MGST3: variants seen among roughly 807,000 people sequenced by gnomAD.
The protein encoded by MGST3 is glutathione S-transferase 3, mitochondrial.
In MGST3, 13 loss-of-function variants were observed where a neutral mutation model predicts 15.8. The ratio of observed to expected loss-of-function variants is 0.82; its 90% CI spans 0.54 to 1.31. The LOEUF is 1.31. Ranked by LOEUF, MGST3 falls within the 50% of genes most tolerant of loss-of-function variation. The pLI is 0.00. For missense variants in MGST3, 155 were observed against 192.4 expected, an observed-to-expected ratio of 0.81 and a Z score of 1.15; for synonymous variants, 49 against 68.1, an observed-to-expected ratio of 0.72 and a Z score of 1.38.
intron 5 of MGST3, 66 bp from the exon 6 acceptor site, chr1:165,655,302 G>T (rs912105903): frequency 1.5e-3 from 2,378 of 1,559,514 alleles, no homozygotes; most frequent in Admixed American, 9.0e-3. Flanking sequence ...AGAATGGCTT[G>T]CGAATGTTGA....
intron 1 of MGST3, chr1:165,632,040 C>A: frequency 1.8e-6 from 1 of 557,818 alleles, no homozygotes; most frequent in Non-Finnish European, 3.3e-6. Context: ...CGGTGGAAGG[C>A]GCTGGAGACT....
At position 165,639,892 on chromosome 1, in the gene MGST3, G is replaced by A. The variant is rs9333412; in HGVS notation, c.-8+8599G>A. On this transcript the variant is annotated intron_variant, in intron 1 of 5. Coordinates refer to ENST00000367889, the MANE Select transcript of MGST3 (RefSeq NM_004528.4). ...TAGTAGTGATATTTTCAGTTTTGCT[G>A]TTTCTGCCAGATGGGATGAAAAATT... Among the ~76,000 whole-genome samples, 597 of 152,320 alleles carry A rather than the reference G, an allele frequency of 3.9e-3. 4 individuals carry two copies. Among genetic ancestry groups the A allele is most frequent in the Non-Finnish European group, 7.0e-3 (478 of 68,026 alleles).
At chr1:165,654,228 A>G in intron 4 of MGST3, 51 bp from the exon 5 acceptor site, 1 of 1,565,584 alleles carries the variant, frequency 6.4e-7, no homozygotes, top group Non-Finnish European at 8.8e-7. Flanking sequence ...GTGTTAAAAA[A>G]GGTTTGCTTG....
chr1:165,655,531 A>T lies in MGST3; in HGVS notation c.*27A>T, dbSNP rs1381141854. 6.2e-7 allele frequency: 1 copy of T among 1,613,750 alleles called. No individual in the cohort carries two copies. Among genetic ancestry groups the T allele is most frequent in the East Asian group, 2.2e-5 (1 of 44,878 alleles). ...GAATTATAGGGGTTTAAAAACTCTC[A>T]TTCATTTTAAATGACTTACCTTTAT... On this transcript the variant is annotated 3_prime_UTR_variant, in exon 6 of 6. Coordinates refer to ENST00000367889, the MANE Select transcript of MGST3 (RefSeq NM_004528.4).
intron 1 of MGST3, among the ~76,000 whole-genome samples, chr1:165,634,202 C>G (rs1375842564): frequency 6.6e-6 from 1 of 152,050 alleles, no homozygotes; most frequent in African/African-American, 2.4e-5. Flanking sequence ...GCTTTTCAAC[C>G]TCATTGAGAG....
At chr1:165,638,478 A>AAAAAC (rs1419732424) in intron 1 of MGST3, among the ~76,000 whole-genome samples, 12 of 152,024 alleles carry the variant, frequency 7.9e-5, no homozygotes, top group Admixed American at 2.6e-4. Context: ...GTCTCAAAAC[A>AAAAAC]AAAACAAAAC....
At chr1:165,654,654 A>G (rs541935531) in intron 5 of MGST3, among the ~76,000 whole-genome samples, 1 of 152,208 alleles carries the variant, frequency 6.6e-6, no homozygotes, top group African/African-American at 2.4e-5. Context: ...TTACACTACT[A>G]CACTCCAGCC....
rs2101726876 is a variant in MGST3, at chr1:165,655,534, C to T, written c.*30C>T. 1 of 1,613,222 alleles carries T rather than the reference C, an allele frequency of 6.2e-7. No individual in the cohort carries two copies. Among genetic ancestry groups the T allele is most frequent in the Non-Finnish European group, 8.5e-7 (1 of 1,179,378 alleles). On this transcript the variant is annotated 3_prime_UTR_variant, in exon 6 of 6. Transcript: ENST00000367889. ...TTATAGGGGTTTAAAAACTCTCATT[C>T]ATTTTAAATGACTTACCTTTATTTC... is the stretch of plus-strand genomic sequence containing the variant.
At chr1:165,636,909 A>G (rs1053145507) in intron 1 of MGST3, 4 of 152,210 alleles carry the variant, frequency 2.6e-5, no homozygotes, top group South Asian at 2.1e-4. Context: ...AGGCTGTACA[A>G]CTATCCAGGG....
chr1:165,639,960 G>T (rs937550111), intron 1 of MGST3, among the ~76,000 whole-genome samples: 33 of 152,160 alleles, frequency 2.2e-4, no homozygotes, highest in African/African-American at 8.0e-4. Flanking sequence ...CATTAAATAG[G>T]CCTTTCATTT....
intron 1 of MGST3, chr1:165,647,004 G>A (rs1203686749): frequency 6.6e-6 from 1 of 152,286 alleles, no homozygotes; most frequent in Non-Finnish European, 1.5e-5. Context: ...CACTTGCACT[G>A]TCCCTATGAC....
intron 1 of MGST3, among the ~76,000 whole-genome samples, chr1:165,644,546 G>A (rs931391408): frequency 6.6e-6 from 1 of 152,160 alleles, no homozygotes; most frequent in Admixed American, 6.5e-5. Flanking sequence ...AAGGCCTAGG[G>A]CATTTCTGTA....
Position 165,640,420 on chromosome 1 carries a change from A to AG in MGST3, c.-8+9127_-8+9128insG, listed in dbSNP as rs76648995. Among the ~76,000 whole-genome samples, 1,482 of 152,128 alleles carry AG rather than the reference A, an allele frequency of 9.7e-3. 50 individuals carry two copies. The highest frequency in any genetic ancestry group is 0.058 in the Admixed American group (891 of 15,262). ...GCCTCCAAAGATAGTAGTAGAATAT[A>AG]ACCACCAAGACAAGACTGTGACTGT... On this transcript the variant is annotated intron_variant, in intron 1 of 5. Coordinates refer to ENST00000367889, the MANE Select transcript of MGST3 (RefSeq NM_004528.4).
intron 2 of MGST3, chr1:165,650,188 G>A (rs1648514237): frequency 1.7e-6 from 1 of 573,140 alleles, no homozygotes; most frequent in East Asian, 3.1e-5. Context: ...TGTCTCTTCG[G>A]TAGAAAGACC....
At chr1:165,643,578 T>A (rs6672982) in intron 1 of MGST3, among the ~76,000 whole-genome samples, 41,613 of 149,058 alleles carry the variant, frequency 0.28, 6,899 homozygotes, top group African/African-American at 0.46. Flanking sequence ...AGAAAAAATA[T>A]ACATAGGCTG....
intron 4 of MGST3, chr1:165,654,015 G>A: frequency 2.2e-6 from 1 of 459,056 alleles, no homozygotes; most frequent in Non-Finnish European, 4.0e-6. Context: ...AGGGCAAGTG[G>A]GGGGATTCCT....
intron 1 of MGST3, among the ~76,000 whole-genome samples, chr1:165,636,196 TTG>T (rs1648109735): frequency 6.6e-6 from 1 of 152,044 alleles, no homozygotes; most frequent in Admixed American, 6.6e-5. Flanking sequence ...TTTAAAGTTT[TTG>T]TGTGTGGGTG....
chr1:165,641,394 A>C (rs1307963616), intron 1 of MGST3, among the ~76,000 whole-genome samples: 1 of 152,178 alleles, frequency 6.6e-6, no homozygotes, highest in Non-Finnish European at 1.5e-5. Context: ...TTGATTCATT[A>C]TGCTGTCTAC....
intron 1 of MGST3, among the ~76,000 whole-genome samples, chr1:165,636,483 C>G (rs1010100213): frequency 3.3e-5 from 5 of 152,120 alleles, no homozygotes; most frequent in Non-Finnish European, 7.4e-5. Flanking sequence ...TGCCTGTAAC[C>G]CCAGCACTTT....
Sources: allele counts gnomAD v4.1 joint callset (sites outside exome capture counted in the v4.1 genomes callset), GRCh38; gene constraint gnomAD v4.1.1; transcripts MANE v1.5; gene names NCBI Gene and HGNC (gene_info 2026-07-23, HGNC 2026-07-21).